Variants in ANP32A observed in about 807,000 individuals in gnomAD.
ANP32A encodes acidic nuclear phosphoprotein 32 family member A.
A neutral mutation model predicts 33.9 loss-of-function variants in ANP32A; 1 was observed. That is an observed-to-expected ratio of 0.03 (90% CI 0.01 to 0.14). ANP32A has a LOEUF of 0.14. Among genes scored for constraint, ANP32A ranks in the 10% least tolerant of loss-of-function variants. ANP32A has a pLI of 1.00. For missense variants in ANP32A, 155 were observed against 306.0 expected (o/e 0.51, Z 3.68); for synonymous variants, 115 against 120.5 (o/e 0.95, Z 0.30).
chr15:68,783,833 A>G (rs2140359436), intron 4 of ANP32A, among the ~76,000 whole-genome samples: 1 of 152,252 alleles, frequency 6.6e-6, no homozygotes, highest in Admixed American at 6.5e-5. Context: ...TGAGCACCTG[A>G]GCCTGTGCCC....
chr15:68,787,879 C>A lies in ANP32A; in HGVS notation c.95G>T (p.Gly32Val). 6.2e-7 allele frequency: 1 copy of A among 1,614,164 alleles called. No homozygotes were observed. The highest frequency in any genetic ancestry group is 8.5e-7 in the Non-Finnish European group (1 of 1,180,042). ...LVLDNSRSNE[G>V]KLEGLTDEFE... The stretch of plus-strand genomic sequence containing the variant: ...TTCATCTGTGAGGCCTTCGAGTTTG[C>A]CTTCATTCGACCGACTGTTGTCCAG... Residue 32 changes from glycine (G) to valine (V), a missense_variant, in exon 2 of 7, where the codon GGC (glycine) becomes GTC (valine). Gly to Val is a moderately radical substitution (Grantham distance 109, BLOSUM62 -3). Coordinates refer to ENST00000465139, the MANE Select transcript of ANP32A (RefSeq NM_006305.4).
Position 68,803,798 on chromosome 15 carries a change from C to CTTT in ANP32A, c.55-15882_55-15880dup, listed in dbSNP as rs3985625. ...GGTTTTATGTGCTCTATTTCACAAA[C>CTTT]TTTTTTTTTTTTTTTTTTTTTTGAG... On this transcript the variant is annotated intron_variant, in intron 1 of 6. Transcript: ENST00000465139. 6.6e-3 allele frequency among the ~76,000 whole-genome samples: 671 copies of CTTT among 101,116 alleles called. 9 individuals are homozygous for CTTT. Among genetic ancestry groups the CTTT allele is most frequent in the Middle Eastern group, 0.014 (2 of 144 alleles). The allele number at this position is 101,116 out of a possible 152,430, so 66.3% of individuals were successfully genotyped here.
At chr15:68,814,849 A>G (rs539980872) in intron 1 of ANP32A, among the ~76,000 whole-genome samples, 1 of 152,350 alleles carries the variant, frequency 6.6e-6, no homozygotes, top group South Asian at 2.1e-4. Context: ...CTGGGTGCAC[A>G]GCTGCCCCGC....
intron 2 of ANP32A, 74 bp from the exon 3 acceptor site, chr15:68,787,609 T>C: frequency 6.2e-7 from 1 of 1,607,550 alleles, no homozygotes; most frequent in South Asian, 1.1e-5. Flanking sequence ...CTGCCCGGCT[T>C]TCCCCAGACG....
At chr15:68,804,672 C>T (rs113944041) in intron 1 of ANP32A, among the ~76,000 whole-genome samples, 13,607 of 152,034 alleles carry the variant, frequency 0.089, 1,849 homozygotes, top group African/African-American at 0.29. Flanking sequence ...CCCACCACCA[C>T]GCCCAATTAA....
At chr15:68,806,165 C>A (rs1894219518) in intron 1 of ANP32A, among the ~76,000 whole-genome samples, 1 of 152,192 alleles carries the variant, frequency 6.6e-6, no homozygotes, top group Non-Finnish European at 1.5e-5. Flanking sequence ...GTGCTGCTCA[C>A]CATCAGGGAC....
intron 1 of ANP32A, among the ~76,000 whole-genome samples, chr15:68,798,390 G>A (rs979938767): frequency 6.6e-6 from 1 of 152,182 alleles, no homozygotes; most frequent in Non-Finnish European, 1.5e-5. Context: ...CCACAGCCGT[G>A]GTGTAAGCGT....
At chr15:68,814,328 G>A (rs190723616) in intron 1 of ANP32A, among the ~76,000 whole-genome samples, 6 of 152,234 alleles carry the variant, frequency 3.9e-5, no homozygotes, top group Non-Finnish European at 7.4e-5. Flanking sequence ...GGGATGCCAA[G>A]GTGGGCAGAT....
In ANP32A at chr15:68,807,427, C is replaced by T. The variant is rs111799432; in HGVS notation, c.54+13271G>A. On this transcript the variant is annotated intron_variant, in intron 1 of 6. Coordinates refer to ENST00000465139, the MANE Select transcript of ANP32A (RefSeq NM_006305.4). ...CCTCCCGCCCCACCTCCACAGAAAA[C>T]GGGGGGGGGGGAGTCTCTCCTTTGC... Among the ~76,000 whole-genome samples, 54 of 115,522 alleles carry T rather than the reference C, an allele frequency of 4.7e-4. 1 individual carries two copies. The highest frequency in any genetic ancestry group is 1.5e-3 in the African/African-American group (45 of 29,904). The allele number at this position is 115,522 out of a possible 152,430, so 75.8% of individuals were successfully genotyped here.
Position 68,778,770 on chromosome 15 carries a change from A to ATT in ANP32A, c.*1309_*1310dup, listed in dbSNP as rs1893825153. 2 of 152,188 alleles carry ATT rather than the reference A, an allele frequency of 1.3e-5. No individual in the cohort carries two copies. The highest frequency in any genetic ancestry group is 1.3e-4 in the Admixed American group (2 of 15,282). The allele number at this position is 152,188 out of a possible 1,614,324, so 9.4% of individuals were successfully genotyped here. On this transcript the variant is annotated 3_prime_UTR_variant, in exon 7 of 7. Coordinates refer to ENST00000465139, the MANE Select transcript of ANP32A (RefSeq NM_006305.4). The stretch of plus-strand genomic sequence containing the variant: ...CAAAAATATCCAAACATAGTATCAC[A>ATT]TTATATATATCTCATAAGAAAAGCT...
chr15:68,782,887 TCA>T, intron 5 of ANP32A, 67 bp downstream of exon 5: 2 of 1,543,586 alleles, frequency 1.3e-6, no homozygotes, highest in Non-Finnish European at 1.8e-6. Context: ...CCAAGACTGA[TCA>T]CAGAGGCAGT....
At chr15:68,784,724 C>A in intron 3 of ANP32A, 129 bp from the exon 4 acceptor site, 1 of 1,119,486 alleles carries the variant, frequency 8.9e-7, no homozygotes, top group Non-Finnish European at 1.3e-6. Context: ...GATAAGGAAG[C>A]TTGGATTTGG....
intron 1 of ANP32A, among the ~76,000 whole-genome samples, chr15:68,815,281 G>C (rs906733179): frequency 6.6e-6 from 1 of 152,116 alleles, no homozygotes; most frequent in African/African-American, 2.4e-5. Flanking sequence ...TCTGCAAAGG[G>C]GGCAGATAGT....
intron 1 of ANP32A, among the ~76,000 whole-genome samples, chr15:68,800,473 G>T (rs185420545): frequency 1.3e-5 from 2 of 151,398 alleles, no homozygotes; most frequent in South Asian, 4.2e-4. Context: ...CACCGGGCGC[G>T]GTGGCTCACG....
At chr15:68,807,433 G>GT (rs200285341) in intron 1 of ANP32A, among the ~76,000 whole-genome samples, 14 of 147,476 alleles carry the variant, frequency 9.5e-5, no homozygotes, top group South Asian at 2.1e-4. Flanking sequence ...AAAACGGGGG[G>GT]GGGGGAGTCT....
chr15:68,793,256 G>C (rs968164350), intron 1 of ANP32A, among the ~76,000 whole-genome samples: 2 of 152,208 alleles, frequency 1.3e-5, no homozygotes, highest in Non-Finnish European at 2.9e-5. Context: ...ATATAGAGGT[G>C]AGTCAAACTG....
intron 3 of ANP32A, among the ~76,000 whole-genome samples, chr15:68,785,919 T>C (rs1233173108): frequency 6.6e-6 from 1 of 152,242 alleles, no homozygotes; most frequent in Non-Finnish European, 1.5e-5. Context: ...TCAAAATAGT[T>C]TGGCTTTTTC....
intron 5 of ANP32A, among the ~76,000 whole-genome samples, chr15:68,782,204 A>G (rs1893877944): frequency 1.3e-5 from 2 of 152,200 alleles, no homozygotes; most frequent in South Asian, 2.1e-4. Flanking sequence ...ACAAAACCCA[A>G]CACAGTGCCA....
At chr15:68,806,081 A>G (rs1326688780) in intron 1 of ANP32A, among the ~76,000 whole-genome samples, 1 of 152,180 alleles carries the variant, frequency 6.6e-6, no homozygotes, top group Non-Finnish European at 1.5e-5. Context: ...TAAGCCACAT[A>G]ACCCCTCCAC....
Sources: allele counts gnomAD v4.1 joint callset (sites outside exome capture counted in the v4.1 genomes callset), GRCh38; gene constraint gnomAD v4.1.1; transcripts MANE v1.5; gene names NCBI Gene and HGNC (gene_info 2026-07-23, HGNC 2026-07-21).